Variants in ALDH1A1 observed in about 807,000 individuals in gnomAD.
The protein encoded by ALDH1A1 is aldehyde dehydrogenase 1A1.
Under a neutral mutation model 62.1 loss-of-function variants are expected in ALDH1A1, and 19 were observed. The observed-to-expected ratio is 0.31, with a 90% CI of 0.21 to 0.45. The LOEUF (loss-of-function observed/expected upper bound fraction) is 0.45. ALDH1A1 is among the 20% of genes least tolerant of loss of function. The pLI, the probability that ALDH1A1 is intolerant of heterozygous loss-of-function variation, is 1.00. For missense variants in ALDH1A1, 521 were observed against 607.1 expected, an observed-to-expected ratio of 0.86 and a Z score of 1.49; for synonymous variants, 231 against 215.9, an observed-to-expected ratio of 1.07 and a Z score of -0.61.
intron 11 of ALDH1A1, among the ~76,000 whole-genome samples, chr9:72,908,221 A>G (rs1829901225): frequency 6.6e-6 from 1 of 151,914 alleles, no homozygotes; most frequent in Non-Finnish European, 1.5e-5. Flanking sequence ...GGAGTTCGAG[A>G]CCAGTCCGGC....
chr9:72,909,499 A>T (rs1431535013), intron 11 of ALDH1A1, 103 bp downstream of exon 11: 4 of 1,163,688 alleles, frequency 3.4e-6, no homozygotes, highest in Middle Eastern at 2.3e-4. Context: ...TTCTAGAAGG[A>T]TAGGTAATTC....
chr9:72,927,394 C>A (rs1482100190), intron 4 of ALDH1A1, among the ~76,000 whole-genome samples: 2 of 152,116 alleles, frequency 1.3e-5, no homozygotes, highest in Admixed American at 1.3e-4. Context: ...TCCAACTATT[C>A]CCAAAATGGT....
At chr9:72,915,549 A>T (rs1310602089) in intron 9 of ALDH1A1, among the ~76,000 whole-genome samples, 1 of 152,204 alleles carries the variant, frequency 6.6e-6, no homozygotes, top group Non-Finnish European at 1.5e-5. Context: ...CCAAATATGA[A>T]AAAAAGGGCA....
At chr9:72,925,375 CA>C in intron 6 of ALDH1A1, 108 bp downstream of exon 6, 1 of 1,317,124 alleles carries the variant, frequency 7.6e-7, no homozygotes, top group Non-Finnish European at 1.0e-6. Context: ...CCCCACTGGA[CA>C]GGAGCCATCT....
chr9:72,905,284 C>A (rs1271403912), intron 12 of ALDH1A1, among the ~76,000 whole-genome samples: 1 of 152,032 alleles, frequency 6.6e-6, no homozygotes, highest in Non-Finnish European at 1.5e-5. Context: ...TCTGTATTTA[C>A]ATATATATGT....
intron 7 of ALDH1A1, among the ~76,000 whole-genome samples, chr9:72,921,108 G>T (rs901434889): frequency 6.6e-6 from 1 of 152,040 alleles, no homozygotes; most frequent in Admixed American, 6.5e-5. Flanking sequence ...TTAGCTGGGC[G>T]TGGTGGTGGG....
intron 11 of ALDH1A1, 146 bp downstream of exon 11, chr9:72,909,456 C>G (rs752383360): frequency 1.7e-5 from 13 of 758,988 alleles, no homozygotes; most frequent in South Asian, 7.7e-5. Context: ...CCGCACCCAG[C>G]CTTTTGTTTG....
intron 11 of ALDH1A1, among the ~76,000 whole-genome samples, chr9:72,908,638 A>T (rs907413063): frequency 9.2e-5 from 14 of 151,572 alleles, no homozygotes; most frequent in Non-Finnish European, 1.6e-4. Flanking sequence ...AGAATATTGC[A>T]TAGGTCTGAT....
chr9:72,911,110 A>G (rs147786505), intron 10 of ALDH1A1, among the ~76,000 whole-genome samples: 131 of 152,242 alleles, frequency 8.6e-4, no homozygotes, highest in African/African-American at 3.0e-3. Flanking sequence ...CTTGGTGAGC[A>G]TATATATAAT....
chr9:72,913,840 G>A (rs8187970), intron 9 of ALDH1A1, among the ~76,000 whole-genome samples: 5,480 of 152,204 alleles, frequency 0.036, 320 homozygotes, highest in African/African-American at 0.12. Flanking sequence ...CTGAATCCCC[G>A]GGCACAGGAA....
At chr9:72,945,493 T>C (rs1284022905) in intron 1 of ALDH1A1, among the ~76,000 whole-genome samples, 4 of 151,900 alleles carry the variant, frequency 2.6e-5, no homozygotes, top group Non-Finnish European at 4.4e-5. Context: ...TTTAATGTCA[T>C]CCATGTGAAT....
In ALDH1A1 at chr9:72,909,625, A is replaced by G; in HGVS notation, c.1335T>C (p.Ser445=). 1 of 1,613,966 alleles carries G rather than the reference A, an allele frequency of 6.2e-7. No individual in the cohort carries two copies. Among genetic ancestry groups the G allele is most frequent in the Non-Finnish European group, 8.5e-7 (1 of 1,179,904 alleles). The part of the protein sequence containing the change: ...KDIDKAITIS[S]ALQAGTVWVN... Reference sequence around the variant, plus strand: ...ACCACACTGTTCCTGCCTGCAGAGCAGAGGAGATTGTTATGGCTTTATCAA... The same window carrying G: ...ACCACACTGTTCCTGCCTGCAGAGCGGAGGAGATTGTTATGGCTTTATCAA... The change falls in exon 11 of 13, where the codon TCT becomes TCC. Residue 445 remains serine (S), a synonymous_variant. Coordinates refer to ENST00000297785, the MANE Select transcript of ALDH1A1 (RefSeq NM_000689.5).
chr9:72,922,350 T>C (rs1830155211), intron 7 of ALDH1A1, among the ~76,000 whole-genome samples: 1 of 152,150 alleles, frequency 6.6e-6, no homozygotes, highest in South Asian at 2.1e-4. Context: ...TTCTAGACTT[T>C]TAATCTCCAG....
At chr9:72,938,707 A>G (rs146851234) in intron 2 of ALDH1A1, among the ~76,000 whole-genome samples, 1,601 of 151,828 alleles carry the variant, frequency 0.011, 20 homozygotes, top group African/African-American at 0.036. Flanking sequence ...AGCCTCCCAA[A>G]GTGCTGGGAT....
chr9:72,925,733 A>G, intron 5 of ALDH1A1, 121 bp from the exon 6 acceptor site: 1 of 1,145,808 alleles, frequency 8.7e-7, no homozygotes, highest in East Asian at 2.7e-5. Flanking sequence ...TTGTGAAATC[A>G]TCTGGCATAT....
rs546379523 is a variant in ALDH1A1, at chr9:72,950,573, A to G, written c.66+2362T>C. 2.6e-5 allele frequency among the ~76,000 whole-genome samples: 4 copies of G among 152,044 alleles called. No homozygotes were observed. The South Asian group carries it at 6.2e-4, about 24-fold the overall frequency. ...ATAAGTCATAAAAACATATGCATCA[A>G]TAAATTCTTTTGTTTGGGTGAAAAG... On this transcript the variant is annotated intron_variant, in intron 1 of 12. Transcript: ENST00000297785.
intron 12 of ALDH1A1, among the ~76,000 whole-genome samples, chr9:72,904,030 G>C (rs891070175): frequency 1.3e-5 from 2 of 152,032 alleles, no homozygotes; most frequent in African/African-American, 2.4e-5. Context: ...CAGTTATGTG[G>C]CTAGGGATTT....
At chr9:72,919,682 A>C (rs888313195) in intron 7 of ALDH1A1, among the ~76,000 whole-genome samples, 1 of 152,196 alleles carries the variant, frequency 6.6e-6, no homozygotes, top group Non-Finnish European at 1.5e-5. Context: ...AGGCTCATTT[A>C]ATTGCGGATT....
In ALDH1A1 at chr9:72,909,624, C is replaced by T. The variant is rs146756445; in HGVS notation, c.1336G>A (p.Ala446Thr). The change falls in exon 11 of 13, where the codon GCT (alanine) becomes ACT (threonine). Residue 446 changes from alanine (A) to threonine (T), a missense_variant. Transcript: ENST00000297785. ...DIDKAITISS[A>T]LQAGTVWVNC... is the part of the protein sequence containing the mutation. ...TACCACACTGTTCCTGCCTGCAGAG[C>T]AGAGGAGATTGTTATGGCTTTATCA... 6.7e-4 allele frequency: 1,083 copies of T among 1,613,722 alleles called. 3 individuals carry two copies. The highest frequency in any genetic ancestry group is 8.1e-4 in the Non-Finnish European group (960 of 1,179,884).
Sources: allele counts gnomAD v4.1 joint callset (sites outside exome capture counted in the v4.1 genomes callset), GRCh38; gene constraint gnomAD v4.1.1; transcripts MANE v1.5; gene names NCBI Gene and HGNC (gene_info 2026-07-23, HGNC 2026-07-21).